Variants in DLGAP2 observed in about 807,000 individuals in gnomAD.
DLGAP2 encodes the protein DLG associated protein 2, also known as disks large-associated protein 2.
In DLGAP2, 26 loss-of-function variants were observed where a neutral mutation model predicts 100.3. That is an observed-to-expected ratio of 0.26 (90% CI 0.19 to 0.36). The LOEUF is 0.36. DLGAP2 is among the 10% of genes least tolerant of loss of function. The pLI, the probability that DLGAP2 is intolerant of heterozygous loss-of-function variation, is 1.00. For missense variants in DLGAP2, 1,858 were observed against 1,453.2 expected (o/e 1.28, Z -4.53); for synonymous variants, 886 against 630.1 (o/e 1.41, Z -6.08).
intron 3 of DLGAP2, among the ~76,000 whole-genome samples, chr8:1,338,449 G>A (rs1188260875): frequency 6.6e-6 from 1 of 152,220 alleles, no homozygotes; most frequent in Admixed American, 6.5e-5. Context: ...CAAATCTGTA[G>A]AGACAGAAAC....
intron 2 of DLGAP2, among the ~76,000 whole-genome samples, chr8:1,142,491 A>G (rs1472869899): frequency 6.6e-6 from 1 of 152,202 alleles, no homozygotes; most frequent in African/African-American, 2.4e-5. Flanking sequence ...ATATTTGTGA[A>G]TTATTTGGGT....
chr8:1,283,141 C>G, intron 3 of DLGAP2, among the ~76,000 whole-genome samples: 1 of 151,116 alleles, frequency 6.6e-6, no homozygotes, highest in Admixed American at 6.6e-5. Flanking sequence ...TGACCTGAAC[C>G]CAGCACGTGA....
chr8:1,158,761 C>T (rs1796838740), intron 2 of DLGAP2, among the ~76,000 whole-genome samples: 1 of 152,242 alleles, frequency 6.6e-6, no homozygotes, highest in Admixed American at 6.5e-5. Flanking sequence ...GTCACACAGA[C>T]CCCTTGAAGT....
At chr8:1,546,642 G>T (rs915952994) in intron 4 of DLGAP2, among the ~76,000 whole-genome samples, 2 of 152,150 alleles carry the variant, frequency 1.3e-5, no homozygotes, top group African/African-American at 4.8e-5. Context: ...TGGACACGAT[G>T]GGAAAACTCT....
At chr8:1,322,701 C>T (rs1052894751) in intron 3 of DLGAP2, among the ~76,000 whole-genome samples, 4 of 152,258 alleles carry the variant, frequency 2.6e-5, no homozygotes, top group African/African-American at 9.6e-5. Context: ...TGACTTCACA[C>T]ATGTTGTTCC....
intron 3 of DLGAP2, among the ~76,000 whole-genome samples, chr8:1,265,984 T>G (rs1799442596): frequency 6.6e-6 from 1 of 152,196 alleles, no homozygotes; most frequent in Admixed American, 6.5e-5. Context: ...AAGAACCATC[T>G]ACTTTATAAT....
chr8:1,663,847 G>C (rs1346457395), intron 8 of DLGAP2, among the ~76,000 whole-genome samples: 7 of 152,148 alleles, frequency 4.6e-5, no homozygotes, highest in African/African-American at 1.7e-4. Flanking sequence ...CGGCAGAATG[G>C]TCATTTGCTG....
At chr8:882,847 C>T (rs1351547672) in intron 1 of DLGAP2, among the ~76,000 whole-genome samples, 2 of 152,262 alleles carry the variant, frequency 1.3e-5, no homozygotes, top group African/African-American at 4.8e-5. Context: ...CGTTCCCCTC[C>T]GCCCCGTGGT....
intron 2 of DLGAP2, among the ~76,000 whole-genome samples, chr8:1,189,186 T>C (rs1409194393): frequency 6.8e-6 from 1 of 147,738 alleles, no homozygotes; most frequent in Non-Finnish European, 1.5e-5. Flanking sequence ...GATTCCGCGG[T>C]TGGGGTTGAC....
chr8:1,201,107 C>T (rs1797863341), intron 2 of DLGAP2, among the ~76,000 whole-genome samples: 1 of 152,296 alleles, frequency 6.6e-6, no homozygotes, highest in African/African-American at 2.4e-5. Flanking sequence ...TGCTCCCCGT[C>T]CCCGAGGCCT....
intron 2 of DLGAP2, among the ~76,000 whole-genome samples, chr8:1,214,569 C>A (rs113736847): frequency 2.0e-5 from 3 of 152,214 alleles, no homozygotes; most frequent in Non-Finnish European, 2.9e-5. Context: ...CCTTCTCACA[C>A]GGCCTCCTCC....
At position 915,014 on chromosome 8, in the gene DLGAP2, C is replaced by G. The variant is rs141201228; in HGVS notation, c.73+7048C>G. Among the ~76,000 whole-genome samples, 176 of 152,336 alleles carry G rather than the reference C, an allele frequency of 1.2e-3. 1 individual carries two copies. Among genetic ancestry groups the G allele is most frequent in the Middle Eastern group, 0.01 (3 of 294 alleles). On this transcript the variant is annotated intron_variant, in intron 2 of 14. Transcript: ENST00000637795. The stretch of plus-strand genomic sequence containing the variant: ...AACCCCACTCTCCACCATCCTGTAA[C>G]TTTGTGTGTAACTATCGACACAGGG...
At chr8:818,545 G>C (rs972344915) in intron 1 of DLGAP2, among the ~76,000 whole-genome samples, 2 of 152,280 alleles carry the variant, frequency 1.3e-5, no homozygotes, top group South Asian at 4.2e-4. Context: ...GGCTTTCCTA[G>C]TATGTTCCTG....
intron 3 of DLGAP2, among the ~76,000 whole-genome samples, chr8:1,341,137 C>G (rs1801407612): frequency 6.6e-6 from 1 of 152,060 alleles, no homozygotes; most frequent in Non-Finnish European, 1.5e-5. Flanking sequence ...TGATAGTAGG[C>G]TTAATACTTG....
Position 811,061 on chromosome 8 carries a change from G to T in DLGAP2, c.18+73236G>T, listed in dbSNP as rs1796361198. 2.0e-5 allele frequency among the ~76,000 whole-genome samples: 3 copies of T among 152,204 alleles called. No homozygotes were observed. In the South Asian group the frequency reaches 6.2e-4, roughly 31 times the overall value. ...CCCGGACTTTCCTCTTCACTTTCTTGGTCGTGACCCTGATTTCTGTTTGTT... is the reference window on the plus strand; with the variant it reads ...CCCGGACTTTCCTCTTCACTTTCTTTGTCGTGACCCTGATTTCTGTTTGTT... On this transcript the variant is annotated intron_variant, in intron 1 of 14. Transcript: ENST00000637795.
chr8:810,912 T>A (rs1796358413), intron 1 of DLGAP2, among the ~76,000 whole-genome samples: 1 of 152,228 alleles, frequency 6.6e-6, no homozygotes, highest in Non-Finnish European at 1.5e-5. Flanking sequence ...AATGTTGACA[T>A]CTAGAGGTGG....
intron 3 of DLGAP2, among the ~76,000 whole-genome samples, chr8:1,423,272 C>G (rs907001393): frequency 6.6e-6 from 1 of 151,814 alleles, no homozygotes; most frequent in Admixed American, 6.6e-5. Flanking sequence ...GCTCTTATCA[C>G]TCCCTGACCC....
intron 2 of DLGAP2, among the ~76,000 whole-genome samples, chr8:1,148,597 C>T (rs897246704): frequency 9.2e-5 from 14 of 151,876 alleles, no homozygotes; most frequent in African/African-American, 3.4e-4. Flanking sequence ...AGCTGCCTCT[C>T]GAGTATTAAC....
chr8:1,328,023 C>T (rs1025179397), intron 3 of DLGAP2, among the ~76,000 whole-genome samples: 1 of 152,050 alleles, frequency 6.6e-6, no homozygotes, highest in African/African-American at 2.4e-5. Flanking sequence ...GACTGTGTTT[C>T]TGTAACAAGG....
Sources: allele counts gnomAD v4.1 joint callset (sites outside exome capture counted in the v4.1 genomes callset), GRCh38; gene constraint gnomAD v4.1.1; transcripts MANE v1.5; gene names NCBI Gene and HGNC (gene_info 2026-07-23, HGNC 2026-07-21).